The following CBFB variants were observed in gnomAD, a reference collection of about 807,000 sequenced individuals.
CBFB encodes core-binding factor subunit beta.
In CBFB, 9 loss-of-function variants were observed where a neutral mutation model predicts 30.4. The observed-to-expected ratio is 0.30, with a 90% CI of 0.18 to 0.52. CBFB has a LOEUF of 0.52. Among genes scored for constraint, CBFB ranks in the 20% least tolerant of loss-of-function variants. The pLI is 0.97. For missense variants in CBFB, 170 were observed against 244.0 expected, an observed-to-expected ratio of 0.70 and a Z score of 2.02; for synonymous variants, 94 against 84.0, an observed-to-expected ratio of 1.12 and a Z score of -0.65.
intron 5 of CBFB, 123 bp downstream of exon 5, chr16:67,082,431 AGTT>A (rs1335032244): frequency 8.2e-7 from 1 of 1,215,632 alleles, no homozygotes; most frequent in Non-Finnish European, 1.1e-6. Flanking sequence ...ATTTTTAAAA[AGTT>A]GTACTCTCTG....
At chr16:67,031,321 A>G (rs534348707) in intron 2 of CBFB, among the ~76,000 whole-genome samples, 4 of 152,222 alleles carry the variant, frequency 2.6e-5, no homozygotes, top group South Asian at 2.1e-4. Context: ...ATTGAAGTGC[A>G]TAAGACATAC....
At chr16:67,061,910 TACTCTC>T (rs1481734350) in intron 3 of CBFB, among the ~76,000 whole-genome samples, 6 of 151,974 alleles carry the variant, frequency 3.9e-5, no homozygotes, top group African/African-American at 1.5e-4. Flanking sequence ...TAGGTGCCTG[TACTCTC>T]AGATACTTGG....
At chr16:67,093,562 A>G (rs1405699589) in intron 5 of CBFB, 1 of 151,754 alleles carries the variant, frequency 6.6e-6, no homozygotes, top group Non-Finnish European at 1.5e-5. Context: ...CCTCCTAGCA[A>G]CTCTATTTGC....
chr16:67,058,990 A>G (rs1019852021), intron 3 of CBFB, among the ~76,000 whole-genome samples: 1 of 152,172 alleles, frequency 6.6e-6, no homozygotes, highest in East Asian at 1.9e-4. Flanking sequence ...GCAAATCTGT[A>G]GTTACTCTGT....
rs1026148924 is a variant in CBFB, at chr16:67,099,164, T to G, written c.*386T>G. On this transcript the variant is annotated 3_prime_UTR_variant, in exon 6 of 6. Transcript: ENST00000412916. ...GAGGGTTTTCTCTAATCATTTTTTC[T>G]ATTTTTTTTTTTGTACTTCTAGATG... The G allele has an allele frequency of 4.1e-6, 1 of 245,826 alleles. No individual in the cohort carries two copies. Among genetic ancestry groups the G allele is most frequent in the Non-Finnish European group, 7.8e-6 (1 of 127,390 alleles). The allele number at this position is 245,826 out of a possible 1,614,324, so 15.2% of individuals were successfully genotyped here. A position where few individuals can be genotyped will look rare whatever the true frequency, so the allele number is the denominator to read the frequency against.
chr16:67,067,252 T>A (rs909742912), intron 4 of CBFB, among the ~76,000 whole-genome samples: 6 of 148,936 alleles, frequency 4.0e-5, no homozygotes, highest in Admixed American at 6.7e-5. Context: ...GGCTCACACC[T>A]GTAATCCCAG....
intron 5 of CBFB, among the ~76,000 whole-genome samples, chr16:67,096,381 A>T (rs917414404): frequency 6.6e-6 from 1 of 152,056 alleles, no homozygotes; most frequent in Non-Finnish European, 1.5e-5. Flanking sequence ...ATACAAACAG[A>T]TATTTGTGCT....
chr16:67,062,521 G>A (rs1206662867), intron 3 of CBFB, among the ~76,000 whole-genome samples: 2 of 151,376 alleles, frequency 1.3e-5, no homozygotes, highest in African/African-American at 4.9e-5. Flanking sequence ...GGCCGGTGCG[G>A]TGGCTCATCC....
intron 5 of CBFB, among the ~76,000 whole-genome samples, chr16:67,092,433 G>A (rs372183754): frequency 2.0e-5 from 3 of 152,006 alleles, no homozygotes; most frequent in South Asian, 4.1e-4. Flanking sequence ...TAAGTTAAAG[G>A]CTCATCTTTT....
chr16:67,098,602 T>G (rs1962124323), intron 5 of CBFB, 108 bp from the exon 6 acceptor site: 1 of 632,456 alleles, frequency 1.6e-6, no homozygotes, highest in Non-Finnish European at 2.8e-6. Flanking sequence ...GGCTGAAAAC[T>G]TTTTAGTTAT....
At position 67,092,698 on chromosome 16, in the gene CBFB, C is replaced by CTTTTTTT. The variant is rs777213321; in HGVS notation, c.496-5986_496-5980dup. Among the ~76,000 whole-genome samples the CTTTTTTT allele has an allele frequency of 7.2e-4, 24 of 33,526 alleles. 4 individuals are homozygous for CTTTTTTT. Among genetic ancestry groups the CTTTTTTT allele is most frequent in the African/African-American group, 2.3e-3 (20 of 8,716 alleles). 22.0% of individuals were successfully genotyped at this position (33,526 alleles called of 152,430 possible). ...CCAGGCTAGGTTACAGTGGTGCAAT[C>CTTTTTTT]TTTTTTTTTTTTTTTTTTTTTTTTT... On this transcript the variant is annotated intron_variant, in intron 5 of 5. Coordinates refer to ENST00000412916, the MANE Select transcript of CBFB (RefSeq NM_022845.3).
intron 3 of CBFB, among the ~76,000 whole-genome samples, chr16:67,039,771 A>G (rs1966500729): frequency 6.6e-6 from 1 of 152,136 alleles, no homozygotes. Flanking sequence ...GCAGGCTTTC[A>G]GTCTCTGTCA....
At chr16:67,083,226 A>C (rs1713789335) in intron 5 of CBFB, among the ~76,000 whole-genome samples, 1 of 152,130 alleles carries the variant, frequency 6.6e-6, no homozygotes, top group Non-Finnish European at 1.5e-5. Flanking sequence ...CAGCTACCCC[A>C]GCAGCCCCTT....
intron 4 of CBFB, among the ~76,000 whole-genome samples, chr16:67,068,696 C>T (rs1961129287): frequency 6.6e-6 from 1 of 152,082 alleles, no homozygotes; most frequent in Non-Finnish European, 1.5e-5. Context: ...TATGAAAATG[C>T]AACTTATACA....
chr16:67,050,329 CAT>C (rs1314375667), intron 3 of CBFB, among the ~76,000 whole-genome samples: 1 of 149,206 alleles, frequency 6.7e-6, no homozygotes, highest in Non-Finnish European at 1.5e-5. Context: ...AAGACACACA[CAT>C]ATATATGTAT....
intron 3 of CBFB, among the ~76,000 whole-genome samples, chr16:67,049,264 C>T (rs755540315): frequency 2.0e-5 from 3 of 151,920 alleles, no homozygotes; most frequent in East Asian, 1.9e-4. Context: ...AGTGCAGTGG[C>T]GCAATCTCGG....
At chr16:67,089,359 C>T (rs1484932878) in intron 5 of CBFB, among the ~76,000 whole-genome samples, 1 of 152,022 alleles carries the variant, frequency 6.6e-6, no homozygotes, top group Admixed American at 6.6e-5. Flanking sequence ...GAACTAGAAA[C>T]TATGGGGGAG....
chr16:67,058,089 T>C (rs1295138257), intron 3 of CBFB, among the ~76,000 whole-genome samples: 2 of 152,346 alleles, frequency 1.3e-5, no homozygotes, highest in East Asian at 1.9e-4. Context: ...TTGTAGTCTT[T>C]CCAGTCATGA....
At position 67,029,240 on chromosome 16, in the gene CBFB, G is replaced by T. The variant is rs1966283995; in HGVS notation, c.-168G>T. On this transcript the variant is annotated 5_prime_UTR_variant, in exon 1 of 6. Coordinates refer to ENST00000412916, the MANE Select transcript of CBFB (RefSeq NM_022845.3). ...GGGTTGGGCTCGAGCGGGCGGCGGC[G>T]CCTCAGACTCCCCGGAACGGGAGCC... 3 of 353,708 alleles carry T rather than the reference G, an allele frequency of 8.5e-6. No homozygotes were observed. The highest frequency in any genetic ancestry group is 9.7e-6 in the Non-Finnish European group (2 of 206,894). 21.9% of individuals were successfully genotyped at this position (353,708 alleles called of 1,614,324 possible).
Sources: allele counts gnomAD v4.1 joint callset (sites outside exome capture counted in the v4.1 genomes callset), GRCh38; gene constraint gnomAD v4.1.1; transcripts MANE v1.5; gene names NCBI Gene and HGNC (gene_info 2026-07-23, HGNC 2026-07-21).